ARHGEF1: variants seen among roughly 807,000 people sequenced by gnomAD.
The protein encoded by ARHGEF1 is 115 kDa guanine nucleotide exchange factor.
A neutral mutation model predicts 119.7 loss-of-function variants in ARHGEF1; 40 were observed. That is an observed-to-expected ratio of 0.33 (90% CI 0.26 to 0.44). The LOEUF is 0.44. Among genes scored for constraint, ARHGEF1 ranks in the 20% least tolerant of loss-of-function variants. The probability of loss-of-function intolerance (pLI) is 1.00; values close to 1 mark genes in which losing one functional copy is unlikely to be tolerated. For synonymous variants in ARHGEF1, 494 were observed against 521.0 expected (o/e 0.95, Z 0.71); for missense variants, 976 against 1,268.3 (o/e 0.77, Z 3.50).
In ARHGEF1 at chr19:41,903,802, TGCCTCCCCC is replaced by T; in HGVS notation, c.1917+22_1917+30del. On this transcript the variant is annotated intron_variant, in intron 20 of 28. Coordinates refer to ENST00000354532, the MANE Select transcript of ARHGEF1 (RefSeq NM_004706.4). This position sits in a 1 kb window ranked among gnomAD's most constrained non-coding sequence, Gnocchi z 4.2. ...AGTTCAAGGTGTGACCATACCCTCC[TGCCTCCCCC>T]GCCCCCCTACTCCTTGGCCCAGGGG... 6.2e-7 allele frequency: 1 copy of T among 1,611,874 alleles called. No homozygotes were observed. The highest frequency in any genetic ancestry group is 8.5e-7 in the Non-Finnish European group (1 of 1,179,200).
chr19:41,910,933 C>G (rs1377100075), downstream of ARHGEF1, among the ~76,000 whole-genome samples: 2 of 152,184 alleles, frequency 1.3e-5, no homozygotes, highest in Non-Finnish European at 2.9e-5. The surrounding 1 kb of genome is among the most constrained non-coding windows in gnomAD (Gnocchi z 4.4). Context: ...CATCACAACA[C>G]AGAATTACAC....
chr19:41,903,823 C>T lies in ARHGEF1; in HGVS notation c.1917+39C>T. On this transcript the variant is annotated intron_variant, in intron 20 of 28. Coordinates refer to ENST00000354532, the MANE Select transcript of ARHGEF1 (RefSeq NM_004706.4). This position sits in a 1 kb window ranked among gnomAD's most constrained non-coding sequence, Gnocchi z 4.2. ...CTCCTGCCTCCCCCGCCCCCCTACT[C>T]CTTGGCCCAGGGGATTCTGTGATAC... is the stretch of plus-strand genomic sequence containing the variant. 1.9e-6 allele frequency: 3 copies of T among 1,602,724 alleles called. No homozygotes were observed. The highest frequency in any genetic ancestry group is 1.7e-6 in the Non-Finnish European group (2 of 1,171,306).
rs782757029 is a variant in ARHGEF1, at chr19:41,904,050, A to G, written c.1933A>G (p.Lys645Glu). 2 of 1,612,314 alleles carry G rather than the reference A, an allele frequency of 1.2e-6. No individual in the cohort carries two copies. Among genetic ancestry groups the G allele is most frequent in the Non-Finnish European group, 1.7e-6 (2 of 1,179,338 alleles). The change falls in exon 21 of 29, where the codon AAG becomes GAG. Residue 645 changes from lysine to glutamate, a missense_variant. Physicochemically the swap from Lys to Glu is moderately conservative, Grantham distance 56. Transcript: ENST00000354532. The surrounding 1 kb of genome is among the most constrained non-coding windows in gnomAD (Gnocchi z 8.4). Reference sequence around the variant, plus strand: ...CCTGCCCCAGAACCTGGACATCACCAAGAAGAAATTGGTCCACGAGGGCCC... The same window carrying G: ...CCTGCCCCAGAACCTGGACATCACCGAGAAGAAATTGGTCCACGAGGGCCC... ...LSEFKNLDIT[K>E]KKLVHEGPLT...
chr19:41,897,089 C>T (rs1555847925), intron 13 of ARHGEF1: 4 of 368,472 alleles, frequency 1.1e-5, no homozygotes, highest in Admixed American at 8.3e-5. Context: ...CCCCCCTGCC[C>T]CCTGCCCCCC....
At position 41,917,265 on chromosome 19, in the gene ARHGEF1, T is replaced by G. The variant is rs2074807029; in HGVS notation, c.1866-5827T>G. 6.6e-6 allele frequency among the ~76,000 whole-genome samples: 1 copy of G among 152,112 alleles called. No homozygotes were observed. Among genetic ancestry groups the G allele is most frequent in the Non-Finnish European group, 1.5e-5 (1 of 68,012 alleles). ...TGTTTCCCCCATCTCTCTCTCTGGG[T>G]GCATCTCTCTGTCTCTCTCTGTCTC... is the stretch of plus-strand genomic sequence containing the variant. On this transcript the variant is annotated intron_variant, in intron 18 of 20. Transcript: ENST00000599589. The surrounding 1 kb of genome is among the most constrained non-coding windows in gnomAD (Gnocchi z 4.8).
rs782431103 is a variant in ARHGEF1, at chr19:41,902,289, G to T, written c.1430G>T (p.Arg477Leu). The T allele has an allele frequency of 6.2e-7, 1 of 1,614,030 alleles. No individual in the cohort carries two copies. The highest frequency in any genetic ancestry group is 8.5e-7 in the Non-Finnish European group (1 of 1,180,042). The change falls in exon 16 of 29, where the codon CGC becomes CTC. Residue 477 changes from arginine (R) to leucine (L), a missense_variant. Arg to Leu is a moderately radical substitution (Grantham distance 102). Coordinates refer to ENST00000354532, the MANE Select transcript of ARHGEF1 (RefSeq NM_004706.4). The surrounding 1 kb of genome is among the most constrained non-coding windows in gnomAD (Gnocchi z 6.5). Reference protein sequence around the residue: ...LIEVHSLFLDRLMKRRQESGY... With the variant: ...LIEVHSLFLDLLMKRRQESGY... ...GCCCCCACAGCCCTGTTCCTCGATC[G>T]CCTGATGAAGCGGAGGCAGGAGAGT...
In ARHGEF1 at chr19:41,894,135, A is replaced by AGTGTGTGTGTGTGTGTGT. The variant is rs35797687; in HGVS notation, c.645-57_645-40dup. ...GGGAGAGAGAGAGAGTGTGTGTGTGAGTGTGTGTGTGTGTGTGTGTGTGTG... is the reference window on the plus strand; with the variant it reads ...GGGAGAGAGAGAGAGTGTGTGTGTGAGTGTGTGTGTGTGTGTGTGTGTGTGTGTGTGTGTGTGTGTGTG... On this transcript the variant is annotated intron_variant, in intron 8 of 28. Transcript: ENST00000354532. The AGTGTGTGTGTGTGTGTGT allele has an allele frequency of 3.5e-4, 168 of 486,024 alleles. 2 individuals carry two copies. Among genetic ancestry groups the AGTGTGTGTGTGTGTGTGT allele is most frequent in the African/African-American group, 3.2e-3 (136 of 42,710 alleles). The allele number at this position is 486,024 out of a possible 1,614,324, so 30.1% of individuals were successfully genotyped here.
chr19:41,912,028 G>A (rs944892325), downstream of ARHGEF1, among the ~76,000 whole-genome samples: 17 of 151,862 alleles, frequency 1.1e-4, no homozygotes, highest in African/African-American at 3.6e-4. Flanking sequence ...CACACAACCC[G>A]AGACAGACCG....
At chr19:41,923,026 G>T, upstream of ARHGEF1, 1 of 404,790 alleles carries the variant, frequency 2.5e-6, no homozygotes, top group Non-Finnish European at 4.9e-6. Flanking sequence ...AGGCGGGAGG[G>T]GGCTGGGGGA....
At chr19:41,899,460 G>A (rs560141473) in intron 14 of ARHGEF1, among the ~76,000 whole-genome samples, 2 of 150,038 alleles carry the variant, frequency 1.3e-5, no homozygotes, top group Admixed American at 1.3e-4. Flanking sequence ...TTTTTCCTTT[G>A]CTAATTGTGT....
downstream of ARHGEF1, chr19:41,909,543 G>T (rs782081039): frequency 1.3e-5 from 14 of 1,094,028 alleles, no homozygotes; most frequent in Non-Finnish European, 1.5e-5. The surrounding 1 kb of genome is among the most constrained non-coding windows in gnomAD (Gnocchi z 5.2). Flanking sequence ...TTCTTAATGC[G>T]TGTGCTGTCC....
chr19:41,886,404 C>T (rs146460888), intron 1 of ARHGEF1, among the ~76,000 whole-genome samples: 4 of 152,260 alleles, frequency 2.6e-5, no homozygotes, highest in Admixed American at 6.5e-5. Context: ...CTCAGTTGAG[C>T]GTTTCTACCT....
intron 4 of ARHGEF1, among the ~76,000 whole-genome samples, chr19:41,891,302 A>G (rs2074372679): frequency 6.6e-6 from 1 of 152,118 alleles, no homozygotes; most frequent in Admixed American, 6.5e-5. Context: ...TTTATTTATG[A>G]AACAGTCTCG....
In ARHGEF1 at chr19:41,906,207, C is replaced by G. The variant is rs1466876226; in HGVS notation, c.2491+182C>G. ...CACGTCCCTCTTCTGCAGCCACCAT[C>G]CCTTGCTTGATTCTATATTTAGCCT... On this transcript the variant is annotated intron_variant, in intron 26 of 28. Transcript: ENST00000354532. The surrounding 1 kb of genome is among the most constrained non-coding windows in gnomAD (Gnocchi z 4.5). 4.5e-5 allele frequency: 30 copies of G among 670,622 alleles called. No homozygotes were observed. The highest frequency in any genetic ancestry group is 4.1e-4 in the Middle Eastern group (1 of 2,458). 41.5% of individuals were successfully genotyped at this position (670,622 alleles called of 1,614,324 possible). A position where few individuals can be genotyped will look rare whatever the true frequency, so the allele number is the denominator to read the frequency against.
At chr19:41,907,970 T>C (rs1430873306), downstream of ARHGEF1, 2 of 383,574 alleles carry the variant, frequency 5.2e-6, no homozygotes, top group Non-Finnish European at 9.2e-6. Context: ...TATTGCACTT[T>C]GGGAGTGGGG....
Position 41,907,254 on chromosome 19 carries a change from G to C in ARHGEF1, c.*167G>C, listed in dbSNP as rs575792982. The C allele has an allele frequency of 6.6e-7, 1 of 1,523,866 alleles. No individual in the cohort carries two copies. Among genetic ancestry groups the C allele is most frequent in the East Asian group, 2.5e-5 (1 of 40,540 alleles). 94.4% of individuals were successfully genotyped at this position (1,523,866 alleles called of 1,614,324 possible). On this transcript the variant is annotated 3_prime_UTR_variant, in exon 29 of 29. Transcript: ENST00000354532. The stretch of plus-strand genomic sequence containing the variant: ...GGGCCCAGCTGGGGTTACTGGCCCC[G>C]CATGAGCCTCGGCCATCTCTCCCTC...
Position 41,923,243 on chromosome 19 carries a change from ACT to A in ARHGEF1, c.140+13_140+14del, listed in dbSNP as rs1213776514. On this transcript the variant is annotated intron_variant, in intron 1 of 2. Coordinates refer to the ARHGEF1 transcript ENST00000594417. ...CTGGACTTGAATGCAGGTCAGTATGACTCTAGGCCCCCGATATTTGTACTGTC... is the reference window on the plus strand; with the variant it reads ...CTGGACTTGAATGCAGGTCAGTATGACTAGGCCCCCGATATTTGTACTGTC... The A allele has an allele frequency of 6.6e-6, 3 of 451,586 alleles. No individual in the cohort carries two copies. The Admixed American group carries it at 7.2e-5, about 11-fold the overall frequency. The allele number at this position is 451,586 out of a possible 1,614,324, so 28.0% of individuals were successfully genotyped here. A position where few individuals can be genotyped will look rare whatever the true frequency, so the allele number is the denominator to read the frequency against.
At chr19:41,923,301 A>C in intron 1 of ARHGEF1, 1 of 390,888 alleles carries the variant, frequency 2.6e-6, no homozygotes, top group African/African-American at 2.1e-5. Flanking sequence ...GAGACAGAAA[A>C]GGAGGAAAGA....
intron 13 of ARHGEF1, chr19:41,897,144 C>T (rs1568818038): frequency 2.1e-6 from 1 of 474,838 alleles, no homozygotes; most frequent in South Asian, 1.7e-5. Context: ...CCCTCAACCC[C>T]CCACCCCTCT....
Sources: gnomAD v4.1 joint callset for allele counts (sites outside exome capture counted in the v4.1 genomes callset) on GRCh38, gnomAD v4.1.1 for gene constraint, Gnocchi (gnomAD v3.1) non-coding constraint, MANE v1.5 for transcripts, NCBI Gene and HGNC (gene_info 2026-07-23, HGNC 2026-07-21) for gene names.